The following THSD7B variants were observed in gnomAD, a reference collection of about 807,000 sequenced individuals.
The protein encoded by THSD7B is thrombospondin type 1 domain containing 7B.
THSD7B carries 138 observed loss-of-function variants against 213.6 expected under a neutral mutation model. The observed-to-expected ratio is 0.65, with a 90% CI of 0.56 to 0.74. The LOEUF is 0.74. Ranked by LOEUF, THSD7B falls within the 30% of genes least tolerant of loss-of-function variation. The pLI, the probability that THSD7B is intolerant of heterozygous loss-of-function variation, is 0.00. For missense variants in THSD7B, 1,931 were observed against 1,991.5 expected (o/e 0.97, Z 0.58); for synonymous variants, 742 against 687.0 (o/e 1.08, Z -1.25).
rs141833916 is a variant in THSD7B at position 137,093,940 on chromosome 2, T to C, written c.951-933T>C. 5.9e-5 allele frequency among the ~76,000 whole-genome samples: 9 copies of C among 152,288 alleles called. No homozygotes were observed. The South Asian group carries it at 1.9e-3, about 32-fold the overall frequency. On this transcript the variant is annotated intron_variant, in intron 3 of 27. Coordinates refer to ENST00000409968, the MANE Select transcript of THSD7B (RefSeq NM_001316349.2). Reference sequence around the variant, plus strand: ...TTTATTTATTTACCTTTTTCCTAATTAGACTGTTGGTGCTTGATCACACAC... The same window carrying C: ...TTTATTTATTTACCTTTTTCCTAATCAGACTGTTGGTGCTTGATCACACAC...
At chr2:137,192,362 A>G (rs1281682462) in intron 7 of THSD7B, among the ~76,000 whole-genome samples, 1 of 152,226 alleles carries the variant, frequency 6.6e-6, no homozygotes, top group Non-Finnish European at 1.5e-5. Context: ...GGAAAAACTC[A>G]CAGGGAGAAG....
chr2:137,161,769 T>A (rs1366618484), intron 6 of THSD7B, among the ~76,000 whole-genome samples: 1 of 150,618 alleles, frequency 6.6e-6, no homozygotes, highest in Non-Finnish European at 1.5e-5. Context: ...TACTAATACC[T>A]ATAGTTTGCA....
intron 18 of THSD7B, among the ~76,000 whole-genome samples, chr2:137,616,708 C>T (rs1411089094): frequency 6.6e-6 from 1 of 152,104 alleles, no homozygotes; most frequent in East Asian, 1.9e-4. Context: ...GAAATCTGAG[C>T]TTGTGAGGTA....
intron 7 of THSD7B, among the ~76,000 whole-genome samples, chr2:137,206,430 T>G (rs535553186): frequency 2.0e-4 from 31 of 152,202 alleles, no homozygotes; most frequent in Non-Finnish European, 3.8e-4. Flanking sequence ...TGTAGCTAGT[T>G]GCCACTCAGA....
intron 27 of THSD7B, among the ~76,000 whole-genome samples, chr2:137,671,937 G>C (rs1683586941): frequency 6.6e-6 from 1 of 151,996 alleles, no homozygotes. Flanking sequence ...GGAATAACTT[G>C]TTCATGTCTC....
chr2:137,489,136 A>G (rs72851754), intron 15 of THSD7B, among the ~76,000 whole-genome samples: 9,238 of 152,200 alleles, frequency 0.061, 439 homozygotes, highest in Non-Finnish European at 0.096. Flanking sequence ...CCTTCTTAGG[A>G]AAATGTTGGG....
At chr2:137,081,572 T>C (rs1017985996) in intron 3 of THSD7B, among the ~76,000 whole-genome samples, 5 of 152,160 alleles carry the variant, frequency 3.3e-5, no homozygotes, top group African/African-American at 1.2e-4. Context: ...TTGTCCATTC[T>C]GGTCTTAATA....
chr2:137,579,852 A>T (rs1236411615), intron 17 of THSD7B, among the ~76,000 whole-genome samples: 1 of 152,138 alleles, frequency 6.6e-6, no homozygotes, highest in Non-Finnish European at 1.5e-5. Context: ...GTACACCTTT[A>T]TAAACAAATG....
In THSD7B at chr2:136,984,884, G is replaced by T. The variant is rs2099283; in HGVS notation, c.140-71536G>T. On this transcript the variant is annotated intron_variant, in intron 2 of 27. Transcript: ENST00000409968. The stretch of plus-strand genomic sequence containing the variant: ...CAAATGGAAATGAGGAAGTTATTGG[G>T]AAGGGGAGTGAAGATCGCCCATGTA... 6.2e-3 allele frequency among the ~76,000 whole-genome samples: 950 copies of T among 152,264 alleles called. 5 individuals are homozygous for T. Among genetic ancestry groups the T allele is most frequent in the South Asian group, 0.022 (105 of 4,820 alleles).
intron 12 of THSD7B, among the ~76,000 whole-genome samples, chr2:137,327,258 A>G (rs1402203073): frequency 6.6e-6 from 1 of 152,236 alleles, no homozygotes; most frequent in Non-Finnish European, 1.5e-5. Context: ...ATTCTGTGAC[A>G]TCTGCTGAGC....
intron 15 of THSD7B, among the ~76,000 whole-genome samples, chr2:137,542,241 C>G (rs1680623551): frequency 6.6e-6 from 1 of 151,588 alleles, no homozygotes; most frequent in African/African-American, 2.4e-5. Context: ...GTATCAATAT[C>G]AGGATTAACA....
chr2:137,242,538 T>C lies in THSD7B; in HGVS notation c.2232T>C (p.Ser744=). 1 of 1,613,870 alleles carries C rather than the reference T, an allele frequency of 6.2e-7. No individual in the cohort carries two copies. The highest frequency in any genetic ancestry group is 8.5e-7 in the Non-Finnish European group (1 of 1,179,816). ...AAGACTGTATTGTGACTGCTTTCAG[T>C]GAGTGGACACCCTGCCCAAGGATGT... ...CKKDCIVTAF[S]EWTPCPRMCQ... is the part of the protein sequence containing the mutation. Residue 744 remains serine, a synonymous_variant, in exon 10 of 28, where the codon AGT becomes AGC. Coordinates refer to ENST00000409968, the MANE Select transcript of THSD7B (RefSeq NM_001316349.2).
At chr2:137,495,933 T>C (rs1430011906) in intron 15 of THSD7B, among the ~76,000 whole-genome samples, 1 of 152,174 alleles carries the variant, frequency 6.6e-6, no homozygotes, top group East Asian at 1.9e-4. Flanking sequence ...CTACAAATAA[T>C]ACAGAATTTT....
chr2:137,061,129 T>C (rs1687261223), intron 3 of THSD7B, among the ~76,000 whole-genome samples: 1 of 151,898 alleles, frequency 6.6e-6, no homozygotes, highest in Admixed American at 6.6e-5. Context: ...GTGTTTTTAA[T>C]TTCATATTGC....
At chr2:136,766,416 G>A (rs1037355234) in intron 1 of THSD7B, among the ~76,000 whole-genome samples, 51 of 152,074 alleles carry the variant, frequency 3.4e-4, no homozygotes, top group Non-Finnish European at 2.9e-4. Flanking sequence ...GGCAGGGAGG[G>A]GGGGACAGGC....
chr2:137,583,271 T>A (rs1434550885), intron 17 of THSD7B, among the ~76,000 whole-genome samples: 1 of 152,220 alleles, frequency 6.6e-6, no homozygotes, highest in Non-Finnish European at 1.5e-5. Context: ...GCAAAAATTT[T>A]CTCCCATTCT....
At chr2:137,624,649 C>T (rs1278157842) in intron 20 of THSD7B, among the ~76,000 whole-genome samples, 1 of 152,160 alleles carries the variant, frequency 6.6e-6, no homozygotes, top group Non-Finnish European at 1.5e-5. Flanking sequence ...ACAACCTCAT[C>T]AACAAGTGGG....
chr2:136,789,913 A>G (rs751507430), intron 1 of THSD7B, among the ~76,000 whole-genome samples: 2 of 152,066 alleles, frequency 1.3e-5, no homozygotes, highest in Non-Finnish European at 2.9e-5. Flanking sequence ...TGAGCAAAGG[A>G]CTCTTCAATT....
At chr2:136,767,994 A>T (rs1681439053) in intron 1 of THSD7B, among the ~76,000 whole-genome samples, 1 of 152,188 alleles carries the variant, frequency 6.6e-6, no homozygotes, top group African/African-American at 2.4e-5. Context: ...ACAGGTAGAA[A>T]ATAATTACCG....
Sources: allele counts gnomAD v4.1 joint callset (sites outside exome capture counted in the v4.1 genomes callset), GRCh38; gene constraint gnomAD v4.1.1; transcripts MANE v1.5; gene names NCBI Gene and HGNC (gene_info 2026-07-23, HGNC 2026-07-21).